The following DIAPH3 variants were observed in gnomAD, a reference collection of about 807,000 sequenced individuals.
The protein encoded by DIAPH3 is diaphanous related formin 3.
In DIAPH3, 117 loss-of-function variants were observed where a neutral mutation model predicts 144.3. The ratio of observed to expected loss-of-function variants is 0.81; its 90% CI spans 0.70 to 0.95. DIAPH3 has a LOEUF of 0.95. DIAPH3 is among the 40% of genes least tolerant of loss of function. The probability of loss-of-function intolerance (pLI) is 0.00; values close to 1 mark genes in which losing one functional copy is unlikely to be tolerated. For synonymous variants in DIAPH3, 519 were observed against 488.9 expected (o/e 1.06, Z -0.81); for missense variants, 1,421 against 1,412.7 (o/e 1.01, Z -0.09).
At chr13:60,134,012 T>C (rs2059206150) in intron 1 of DIAPH3, among the ~76,000 whole-genome samples, 1 of 152,232 alleles carries the variant, frequency 6.6e-6, no homozygotes, top group African/African-American at 2.4e-5. Flanking sequence ...TACACCTTCA[T>C]GCTCATGAAT....
chr13:59,853,337 T>C (rs1199939126), intron 22 of DIAPH3, among the ~76,000 whole-genome samples: 1 of 152,164 alleles, frequency 6.6e-6, no homozygotes, highest in East Asian at 1.9e-4. Context: ...ATGGTTTGGA[T>C]TTGTGTCCCC....
intron 27 of DIAPH3, among the ~76,000 whole-genome samples, chr13:59,697,790 G>A (rs2033900166): frequency 6.6e-6 from 1 of 152,266 alleles, no homozygotes; most frequent in Admixed American, 6.5e-5. Context: ...AAAAGGAAAG[G>A]ATAAATGTTC....
chr13:60,060,417 T>G (rs2056719625), intron 4 of DIAPH3, among the ~76,000 whole-genome samples: 1 of 152,094 alleles, frequency 6.6e-6, no homozygotes, highest in African/African-American at 2.4e-5. Context: ...ATGCCTGCAT[T>G]GTTGTCACAA....
intron 4 of DIAPH3, among the ~76,000 whole-genome samples, chr13:60,067,415 T>C (rs930809061): frequency 2.0e-4 from 31 of 152,280 alleles, no homozygotes; most frequent in African/African-American, 7.2e-4. Flanking sequence ...ATTGGATAAA[T>C]AGGCATAAAC....
intron 12 of DIAPH3, among the ~76,000 whole-genome samples, chr13:59,988,086 C>T (rs2051547807): frequency 6.6e-6 from 1 of 151,770 alleles, no homozygotes; most frequent in African/African-American, 2.4e-5. Context: ...CCTAATAAAC[C>T]ATCTATTACA....
intron 25 of DIAPH3, among the ~76,000 whole-genome samples, chr13:59,776,246 TCTG>T (rs1247099647): frequency 6.6e-6 from 1 of 152,196 alleles, no homozygotes; most frequent in Non-Finnish European, 1.5e-5. Flanking sequence ...CCCTTTTCCA[TCTG>T]CTGCTATTTC....
intron 22 of DIAPH3, among the ~76,000 whole-genome samples, chr13:59,850,654 A>G (rs1421114254): frequency 6.6e-6 from 1 of 152,080 alleles, no homozygotes; most frequent in Non-Finnish European, 1.5e-5. Flanking sequence ...CCAGCCTTGC[A>G]TCCCAGGGAT....
At chr13:59,698,861 T>C (rs927055756) in intron 27 of DIAPH3, among the ~76,000 whole-genome samples, 10 of 152,120 alleles carry the variant, frequency 6.6e-5, no homozygotes, top group African/African-American at 2.4e-4. Context: ...TGAAGCAAAA[T>C]GAGAAAAATA....
intron 27 of DIAPH3, among the ~76,000 whole-genome samples, chr13:59,680,111 A>G (rs1390480076): frequency 1.4e-4 from 22 of 152,198 alleles, no homozygotes. Context: ...TCTCAAAAAC[A>G]TGGTGGAGTA....
rs577256825 is a variant in DIAPH3 at position 60,061,582 on chromosome 13, C to T, written c.496-18762G>A. ...AAGAAACAGCTGGAAAAAATTGCTA[C>T]ATTTGATCACAAAACATGCCCCTCC... On this transcript the variant is annotated intron_variant, in intron 4 of 27. Transcript: ENST00000400324. 2.0e-5 allele frequency among the ~76,000 whole-genome samples: 3 copies of T among 151,346 alleles called. No homozygotes were observed. The East Asian group carries it at 5.8e-4, about 29-fold the overall frequency.
intron 2 of DIAPH3, among the ~76,000 whole-genome samples, chr13:60,123,481 T>G (rs551239455): frequency 5.8e-4 from 88 of 152,312 alleles, no homozygotes; most frequent in African/African-American, 2.0e-3. Flanking sequence ...GGAGGAGCTC[T>G]CTAAACTATC....
At chr13:59,982,791 G>C (rs2051101936) in intron 13 of DIAPH3, among the ~76,000 whole-genome samples, 1 of 151,588 alleles carries the variant, frequency 6.6e-6, no homozygotes, top group South Asian at 2.1e-4. Context: ...TGTAATATCA[G>C]GCACTGGTCA....
intron 25 of DIAPH3, among the ~76,000 whole-genome samples, chr13:59,798,986 T>C (rs948144466): frequency 6.6e-6 from 1 of 152,066 alleles, no homozygotes; most frequent in African/African-American, 2.4e-5. Context: ...AGTGCTGTGG[T>C]TGAAGCACAG....
At chr13:59,833,068 A>C (rs1329169544) in intron 24 of DIAPH3, 39 bp downstream of exon 24, 2 of 1,500,110 alleles carry the variant, frequency 1.3e-6, no homozygotes, top group Non-Finnish European at 1.8e-6. Flanking sequence ...AGATAGTATA[A>C]ATAAAAAAAC....
chr13:59,892,410 G>A (rs1170091085), intron 20 of DIAPH3, among the ~76,000 whole-genome samples: 1 of 151,704 alleles, frequency 6.6e-6, no homozygotes, highest in African/African-American at 2.4e-5. Context: ...AAGGGTCAAA[G>A]AAAAAACTGA....
intron 27 of DIAPH3, among the ~76,000 whole-genome samples, chr13:59,672,512 C>T (rs1159020826): frequency 2.6e-5 from 4 of 152,166 alleles, no homozygotes; most frequent in Non-Finnish European, 2.9e-5. Flanking sequence ...TGTTTCACCC[C>T]AGCAATGGCT....
chr13:59,677,319 C>G lies in DIAPH3; in HGVS notation c.3320-10473G>C, dbSNP rs2032697730. 2.6e-5 allele frequency among the ~76,000 whole-genome samples: 4 copies of G among 151,694 alleles called. No individual in the cohort carries two copies. The South Asian group carries it at 8.3e-4, about 32-fold the overall frequency. The stretch of plus-strand genomic sequence containing the variant: ...GCTTTTGGGTCCCTTGAGGACTCAA[C>G]ATTGAGACTAGAACGGTACTGTCCA... On this transcript the variant is annotated intron_variant, in intron 27 of 27. Coordinates refer to ENST00000400324, the MANE Select transcript of DIAPH3 (RefSeq NM_001042517.2).
chr13:59,897,985 T>A (rs2046215767), intron 20 of DIAPH3, among the ~76,000 whole-genome samples: 1 of 150,286 alleles, frequency 6.7e-6, no homozygotes, highest in South Asian at 2.1e-4. Flanking sequence ...TAGAAAAAAA[T>A]TAGCCAGGCA....
intron 25 of DIAPH3, among the ~76,000 whole-genome samples, chr13:59,780,784 T>C (rs2139326707): frequency 6.6e-6 from 1 of 152,194 alleles, no homozygotes; most frequent in Non-Finnish European, 1.5e-5. Context: ...TTGATTTTGA[T>C]GGGGAACAAA....
Sources: allele counts gnomAD v4.1 joint callset (sites outside exome capture counted in the v4.1 genomes callset), GRCh38; gene constraint gnomAD v4.1.1; transcripts MANE v1.5; gene names NCBI Gene and HGNC (gene_info 2026-07-23, HGNC 2026-07-21).